Variants in TMEM117 observed in about 807,000 individuals in gnomAD.
TMEM117 encodes transmembrane protein 117.
Under a neutral mutation model 52.4 loss-of-function variants are expected in TMEM117, and 27 were observed. The ratio of observed to expected loss-of-function variants is 0.51; its 90% CI spans 0.38 to 0.71. TMEM117 has a LOEUF of 0.71. Among genes scored for constraint, TMEM117 ranks in the 30% least tolerant of loss-of-function variants. TMEM117 has a pLI of 0.00. For synonymous variants in TMEM117, 215 were observed against 206.3 expected, an observed-to-expected ratio of 1.04 and a Z score of -0.36; for missense variants, 556 against 630.5, an observed-to-expected ratio of 0.88 and a Z score of 1.26.
chr12:44,396,423 T>C, the TMEM117 span, among the ~76,000 whole-genome samples: 1 of 152,150 alleles, frequency 6.6e-6, no homozygotes, highest in Non-Finnish European at 1.5e-5. Flanking sequence ...CTGTGTCTCC[T>C]ATTAGATTAT....
intron 5 of TMEM117, among the ~76,000 whole-genome samples, chr12:44,289,346 T>C (rs1950674333): frequency 6.6e-6 from 1 of 151,844 alleles, no homozygotes; most frequent in Admixed American, 6.6e-5. Context: ...AATGATGATA[T>C]GAACAAGAAA....
At chr12:44,282,640 T>C (rs1950592038) in intron 5 of TMEM117, among the ~76,000 whole-genome samples, 1 of 152,160 alleles carries the variant, frequency 6.6e-6, no homozygotes, top group African/African-American at 2.4e-5. Context: ...TGACTTGTCA[T>C]TCAGTTTTAT....
At chr12:43,961,645 A>G (rs959326753) in intron 3 of TMEM117, among the ~76,000 whole-genome samples, 10 of 152,220 alleles carry the variant, frequency 6.6e-5, no homozygotes, top group Admixed American at 3.9e-4. Context: ...TGATTATTTG[A>G]TAATTCTTTT....
chr12:43,857,901 G>A (rs1428137279), intron 2 of TMEM117, among the ~76,000 whole-genome samples: 3 of 152,208 alleles, frequency 2.0e-5, no homozygotes, highest in Non-Finnish European at 4.4e-5. Flanking sequence ...AGTGGTGGTA[G>A]GTGGGAGGAA....
chr12:43,937,131 C>T (rs1011274406), intron 2 of TMEM117, among the ~76,000 whole-genome samples: 1 of 151,972 alleles, frequency 6.6e-6, no homozygotes, highest in Admixed American at 6.6e-5. Context: ...TTAGGATAGT[C>T]ATGAAGGTAG....
In TMEM117 at chr12:43,857,399, C is replaced by T. The variant is rs187279138; in HGVS notation, c.277+12471C>T. Among the ~76,000 whole-genome samples, 487 of 151,416 alleles carry T rather than the reference C, an allele frequency of 3.2e-3. 1 individual carries two copies. Among genetic ancestry groups the T allele is most frequent in the Middle Eastern group, 6.8e-3 (2 of 294 alleles). The stretch of plus-strand genomic sequence containing the variant: ...TCTTACCAGGTCCAATCATTGCCTC[C>T]ACGTCCTTTTCTCATTTCCTACCCA... On this transcript the variant is annotated intron_variant, in intron 2 of 7. Coordinates refer to ENST00000266534, the MANE Select transcript of TMEM117 (RefSeq NM_032256.3).
chr12:43,888,074 T>G (rs1944030300), intron 2 of TMEM117, among the ~76,000 whole-genome samples: 1 of 152,080 alleles, frequency 6.6e-6, no homozygotes, highest in Non-Finnish European at 1.5e-5. Context: ...AATACAAAAG[T>G]CTAGGTGCAG....
At chr12:44,050,376 C>T (rs1459109464) in intron 3 of TMEM117, among the ~76,000 whole-genome samples, 2 of 152,092 alleles carry the variant, frequency 1.3e-5, no homozygotes, top group African/African-American at 4.8e-5. Context: ...GGGGTTTCAC[C>T]ATGCTGGCCA....
chr12:44,332,416 A>G (rs1038868769), intron 6 of TMEM117, among the ~76,000 whole-genome samples: 1 of 152,036 alleles, frequency 6.6e-6, no homozygotes, highest in African/African-American at 2.4e-5. Context: ...AACTGGACCA[A>G]AGGAAAAGAA....
rs1040889440 is a variant in TMEM117 at position 44,127,443 on chromosome 12, G to T, written c.411-16082G>T. 2.0e-5 allele frequency among the ~76,000 whole-genome samples: 3 copies of T among 152,078 alleles called. No homozygotes were observed. In the South Asian group the frequency reaches 6.2e-4, roughly 31 times the overall value. On this transcript the variant is annotated intron_variant, in intron 3 of 7. Transcript: ENST00000266534. ...TGTTACACCAGAACTTTGGGAGGCC[G>T]AGGGGAGCAAATCACCTGAGGTCAA...
intron 4 of TMEM117, among the ~76,000 whole-genome samples, chr12:44,147,400 C>T (rs1374856560): frequency 1.3e-5 from 2 of 152,102 alleles, no homozygotes; most frequent in African/African-American, 4.8e-5. Context: ...GCAGGGGATT[C>T]CAAGGACATC....
At chr12:44,345,760 T>A (rs78790871) in intron 6 of TMEM117, among the ~76,000 whole-genome samples, 1 of 152,276 alleles carries the variant, frequency 6.6e-6, no homozygotes, top group East Asian at 1.9e-4. Context: ...TTGTTATTGT[T>A]ATTTTGTATG....
At chr12:44,294,763 A>T (rs1052577113) in intron 5 of TMEM117, among the ~76,000 whole-genome samples, 1 of 152,196 alleles carries the variant, frequency 6.6e-6, no homozygotes, top group African/African-American at 2.4e-5. Flanking sequence ...CTGTTAGCAT[A>T]CTCAGTGTCA....
chr12:44,157,254 G>A (rs567527074), intron 4 of TMEM117, among the ~76,000 whole-genome samples: 15 of 152,142 alleles, frequency 9.9e-5, no homozygotes, highest in Non-Finnish European at 2.1e-4. Context: ...AACATTAGTA[G>A]GTATTGTTGC....
chr12:44,069,429 G>A (rs889860861), intron 3 of TMEM117, among the ~76,000 whole-genome samples: 2 of 152,136 alleles, frequency 1.3e-5, no homozygotes, highest in Admixed American at 6.5e-5. Context: ...ATTTAAGGGA[G>A]GAGTGTTCCA....
chr12:44,046,085 C>G (rs886499819), intron 3 of TMEM117, among the ~76,000 whole-genome samples: 8 of 152,110 alleles, frequency 5.3e-5, no homozygotes, highest in Admixed American at 3.9e-4. Context: ...TCTCGCATAT[C>G]CCTGAATAAC....
chr12:44,122,106 G>A (rs575109203), intron 3 of TMEM117, among the ~76,000 whole-genome samples: 31 of 149,874 alleles, frequency 2.1e-4, no homozygotes, highest in Non-Finnish European at 3.8e-4. Context: ...GTGCAGTGGC[G>A]CAATCTCCAC....
At chr12:43,865,305 C>T (rs547742458) in intron 2 of TMEM117, among the ~76,000 whole-genome samples, 32 of 152,096 alleles carry the variant, frequency 2.1e-4, no homozygotes, top group Non-Finnish European at 4.4e-4. Flanking sequence ...CTAACTTTAC[C>T]TTCTAACTTG....
chr12:44,082,848 CT>C (rs1947504188), intron 3 of TMEM117, among the ~76,000 whole-genome samples: 1 of 151,864 alleles, frequency 6.6e-6, no homozygotes, highest in South Asian at 2.1e-4. Context: ...TCTCCCATGC[CT>C]TTATTTTAAA....
Sources: allele counts gnomAD v4.1 joint callset (sites outside exome capture counted in the v4.1 genomes callset), GRCh38; gene constraint gnomAD v4.1.1; transcripts MANE v1.5; gene names NCBI Gene and HGNC (gene_info 2026-07-23, HGNC 2026-07-21).